CREB3L2: variants seen among roughly 807,000 people sequenced by gnomAD.
CREB3L2 encodes cAMP responsive element binding protein 3 like 2, also known as cyclic AMP-responsive element-binding protein 3-like protein 2.
A neutral mutation model predicts 57.2 loss-of-function variants in CREB3L2; 23 were observed. The observed-to-expected ratio is 0.40, with a 90% CI of 0.29 to 0.57. CREB3L2 has a LOEUF of 0.57. Ranked by LOEUF, CREB3L2 falls within the 20% of genes least tolerant of loss-of-function variation. The pLI is 0.42. For synonymous variants in CREB3L2, 268 were observed against 265.1 expected, an observed-to-expected ratio of 1.01 and a Z score of -0.11; for missense variants, 628 against 634.7, an observed-to-expected ratio of 0.99 and a Z score of 0.11.
At chr7:137,912,620 T>C (rs1305752165) in intron 4 of CREB3L2, among the ~76,000 whole-genome samples, 1 of 152,216 alleles carries the variant, frequency 6.6e-6, no homozygotes, top group Admixed American at 6.5e-5. Context: ...AAGGTGCTTT[T>C]GTAGATGGTT....
At chr7:137,933,833 C>G (rs1800716839) in intron 1 of CREB3L2, 1 of 152,274 alleles carries the variant, frequency 6.6e-6, no homozygotes, top group Non-Finnish European at 1.5e-5. Context: ...CTCCAAGACT[C>G]AGCAGACAGG....
In CREB3L2 at chr7:137,908,263, T is replaced by A; in HGVS notation, c.757A>T (p.Thr253Ser). Residue 253 changes from threonine to serine, a missense_variant, in exon 5 of 12, where the codon ACG becomes TCG. Thr to Ser is a moderately conservative substitution (Grantham distance 58). Transcript: ENST00000330387. Reference protein sequence around the residue: ...PSALSSSPLLTAPHKLQGSGP... With the variant: ...PSALSSSPLLSAPHKLQGSGP... Reference sequence around the variant, plus strand: ...CGCTGCATACTTACATGAGGAGCCGTGAGGAGAGGGGAGCTGGAGAGGGCG... The same window carrying A: ...CGCTGCATACTTACATGAGGAGCCGAGAGGAGAGGGGAGCTGGAGAGGGCG... 7.9e-7 allele frequency: 1 copy of A among 1,258,112 alleles called. No homozygotes were observed. Among genetic ancestry groups the A allele is most frequent in the Non-Finnish European group, 1.0e-6 (1 of 992,704 alleles). The allele number at this position is 1,258,112 out of a possible 1,614,324, so 77.9% of individuals were successfully genotyped here.
At chr7:137,888,141 T>G (rs1231921760) in intron 8 of CREB3L2, among the ~76,000 whole-genome samples, 2 of 152,098 alleles carry the variant, frequency 1.3e-5, no homozygotes, top group Non-Finnish European at 2.9e-5. Context: ...TTCTTTATTT[T>G]TTGTAGAGAC....
chr7:137,960,339 C>A (rs577354921), intron 1 of CREB3L2, among the ~76,000 whole-genome samples: 2 of 152,174 alleles, frequency 1.3e-5, no homozygotes, highest in East Asian at 1.9e-4. Context: ...CATAAGAATG[C>A]AAGCTTAAAA....
At chr7:137,903,622 C>T (rs935503143) in intron 7 of CREB3L2, among the ~76,000 whole-genome samples, 1 of 152,122 alleles carries the variant, frequency 6.6e-6, no homozygotes, top group South Asian at 2.1e-4. Flanking sequence ...CTGCTCCTTT[C>T]AGCTAAAACA....
At chr7:137,967,353 C>T (rs1293147144) in intron 1 of CREB3L2, among the ~76,000 whole-genome samples, 4 of 152,170 alleles carry the variant, frequency 2.6e-5, no homozygotes, top group Non-Finnish European at 4.4e-5. Context: ...AGCTCATTAT[C>T]GGGACATCAT....
In CREB3L2 at chr7:137,936,983, G is replaced by A. The variant is rs76837017; in HGVS notation, c.103-8617C>T. 9.9e-4 allele frequency among the ~76,000 whole-genome samples: 150 copies of A among 152,232 alleles called. 2 individuals carry two copies. In the East Asian group the frequency reaches 0.028, roughly 28 times the overall value. On this transcript the variant is annotated intron_variant, in intron 1 of 11. Transcript: ENST00000330387. ...CATGGGCAGTGAAGCAGGTGGCCAC[G>A]GCAGGTAATAGGATTCAGAAAGCAG...
At position 137,922,383 on chromosome 7, in the gene CREB3L2, T is replaced by TACACAC. The variant is rs375121368; in HGVS notation, c.319+5766_319+5767insGTGTGT. 1.9e-3 allele frequency among the ~76,000 whole-genome samples: 29 copies of TACACAC among 15,214 alleles called. 4 individuals carry two copies. The East Asian group carries it at 0.042, about 22-fold the overall frequency. 10.0% of individuals were successfully genotyped at this position (15,214 alleles called of 152,430 possible). Reference sequence around the variant, plus strand: ...CTTTCTGGTTTACTATATATATATATGTATATATATATATATATATATATA... The same window carrying TACACAC: ...CTTTCTGGTTTACTATATATATATATACACACGTATATATATATATATATATATATA... On this transcript the variant is annotated intron_variant, in intron 2 of 11. Transcript: ENST00000330387.
In CREB3L2 at chr7:137,880,696, A is replaced by G. The variant is rs1352954980; in HGVS notation, c.1488-145T>C. 2.9e-6 allele frequency: 2 copies of G among 680,416 alleles called. No individual in the cohort carries two copies. The highest frequency in any genetic ancestry group is 5.3e-6 in the Non-Finnish European group (2 of 377,376). The allele number at this position is 680,416 out of a possible 1,614,324, so 42.1% of individuals were successfully genotyped here. On this transcript the variant is annotated intron_variant, in intron 11 of 11. Transcript: ENST00000330387. This position sits in a 1 kb window ranked among gnomAD's most constrained non-coding sequence, Gnocchi z 4.0. ...GTTTCTTGTCCTTTTCTCTCCTAGT[A>G]GCAATTCTCTGTTTCCAAAGTCCCC... is the stretch of plus-strand genomic sequence containing the variant.
chr7:137,968,769 G>A (rs773880409), intron 1 of CREB3L2, among the ~76,000 whole-genome samples: 12 of 152,148 alleles, frequency 7.9e-5, no homozygotes, highest in African/African-American at 1.4e-4. Flanking sequence ...GCTCAGGCCC[G>A]CCACCAACTC....
rs553675343 is a variant in CREB3L2, at chr7:137,941,712, A to G, written c.103-13346T>C. ...TCCAGTATTTTAAATGAAGAACCTG[A>G]AGTTAAGGTACACTACACCACTACC... is the stretch of plus-strand genomic sequence containing the variant. On this transcript the variant is annotated intron_variant, in intron 1 of 11. Transcript: ENST00000330387. 8.5e-5 allele frequency among the ~76,000 whole-genome samples: 13 copies of G among 152,330 alleles called. No individual in the cohort carries two copies. The South Asian group carries it at 2.5e-3, about 29-fold the overall frequency.
intron 1 of CREB3L2, among the ~76,000 whole-genome samples, chr7:137,987,349 T>C (rs1482841923): frequency 6.6e-6 from 1 of 152,172 alleles, no homozygotes; most frequent in African/African-American, 2.4e-5. Flanking sequence ...TACTGAAATC[T>C]ATAGGTCTGT....
chr7:137,901,517 G>T, intron 7 of CREB3L2, 95 bp from the exon 8 acceptor site: 2 of 726,406 alleles, frequency 2.8e-6, no homozygotes, highest in Non-Finnish European at 2.4e-6. Flanking sequence ...GGAAAAGGAG[G>T]GTTGGGGGGA....
chr7:137,960,656 G>T (rs992830718), intron 1 of CREB3L2, among the ~76,000 whole-genome samples: 24 of 152,146 alleles, frequency 1.6e-4, no homozygotes, highest in African/African-American at 5.5e-4. Flanking sequence ...ATCCACAGGG[G>T]AACCATCTGA....
At position 137,880,578 on chromosome 7, in the gene CREB3L2, A is replaced by G; in HGVS notation, c.1488-27T>C. 6.4e-7 allele frequency: 1 copy of G among 1,554,048 alleles called. No homozygotes were observed. The highest frequency in any genetic ancestry group is 8.9e-7 in the Non-Finnish European group (1 of 1,125,934). On this transcript the variant is annotated intron_variant, in intron 11 of 11. Coordinates refer to ENST00000330387, the MANE Select transcript of CREB3L2 (RefSeq NM_194071.4). The surrounding 1 kb of genome is among the most constrained non-coding windows in gnomAD (Gnocchi z 4.0). ...TGTGAAGGCATTAAAAGGAAAACGAAGTATTAGTCACCAGCTGTTAGCTAC... is the reference window on the plus strand; with the variant it reads ...TGTGAAGGCATTAAAAGGAAAACGAGGTATTAGTCACCAGCTGTTAGCTAC...
In CREB3L2 at chr7:137,885,513, TAAC is replaced by T. The variant is rs1245500200; in HGVS notation, c.1044-14_1044-12del. ...TGCTGAAGGAGAGTCCTGCCAATGA[TAAC>T]AACAGCCGTGAGGGGAGTCTGACAG... On this transcript the variant is annotated splice_polypyrimidine_tract_variant and intron_variant, in intron 8 of 11. Transcript: ENST00000330387. 1.9e-6 allele frequency: 3 copies of T among 1,602,130 alleles called. No individual in the cohort carries two copies. The highest frequency in any genetic ancestry group is 1.3e-5 in the African/African-American group (1 of 74,654).
At chr7:137,939,290 G>A (rs1800842952) in intron 1 of CREB3L2, among the ~76,000 whole-genome samples, 1 of 152,148 alleles carries the variant, frequency 6.6e-6, no homozygotes, top group Non-Finnish European at 1.5e-5. Flanking sequence ...AGAGACAGTG[G>A]GGCAGCCTGG....
chr7:137,946,500 G>A (rs116363516), intron 1 of CREB3L2, among the ~76,000 whole-genome samples: 2,948 of 150,974 alleles, frequency 0.02, 103 homozygotes, highest in African/African-American at 0.068. Flanking sequence ...AGCCTCAAAT[G>A]AGACTGCAGC....
chr7:138,001,488 C>A lies in CREB3L2; in HGVS notation c.102+116G>T. On this transcript the variant is annotated intron_variant, in intron 1 of 11. Coordinates refer to ENST00000330387, the MANE Select transcript of CREB3L2 (RefSeq NM_194071.4). The surrounding 1 kb of genome is among the most constrained non-coding windows in gnomAD (Gnocchi z 4.2). ...ACACCTCGCCCAGGACCTCTTGATT[C>A]TGACCATGCCCTGCCCCAAACCCTG... The A allele has an allele frequency of 2.9e-6, 2 of 697,042 alleles. No homozygotes were observed. The highest frequency in any genetic ancestry group is 4.9e-6 in the Non-Finnish European group (2 of 411,276). 43.2% of individuals were successfully genotyped at this position (697,042 alleles called of 1,614,324 possible). A position where few individuals can be genotyped will look rare whatever the true frequency, so the allele number is the denominator to read the frequency against.
Sources: allele counts gnomAD v4.1 joint callset (sites outside exome capture counted in the v4.1 genomes callset), GRCh38; gene constraint gnomAD v4.1.1; non-coding constraint Gnocchi (gnomAD v3.1); transcripts MANE v1.5; gene names NCBI Gene and HGNC (gene_info 2026-07-23, HGNC 2026-07-21).